MARCHF1: variants seen among roughly 807,000 people sequenced by gnomAD.
MARCHF1 encodes membrane associated ring-CH-type finger 1, also known as E3 ubiquitin-protein ligase MARCHF1.
MARCHF1 carries 40 observed loss-of-function variants against 54.2 expected under a neutral mutation model. That is an observed-to-expected ratio of 0.74 (90% CI 0.57 to 0.96). The LOEUF (loss-of-function observed/expected upper bound fraction) is 0.96, where lower values mean the gene tolerates loss of function less well. Among genes scored for constraint, MARCHF1 ranks in the 40% least tolerant of loss-of-function variants. The pLI is 0.00. For synonymous variants in MARCHF1, 236 were observed against 236.3 expected, an observed-to-expected ratio of 1.00 and a Z score of 0.01; for missense variants, 586 against 656.5, an observed-to-expected ratio of 0.89 and a Z score of 1.17.
At chr4:163,845,730 T>G (rs1195157059) in intron 4 of MARCHF1, among the ~76,000 whole-genome samples, 1 of 152,152 alleles carries the variant, frequency 6.6e-6, no homozygotes, top group African/African-American at 2.4e-5. Context: ...TCTCATGACT[T>G]TACTCCGTAG....
At position 163,527,447 on chromosome 4, in the gene MARCHF1, G is replaced by A. The variant is rs180980975; in HGVS notation, c.*1301C>T. 1 of 152,104 alleles carries A rather than the reference G, an allele frequency of 6.6e-6. No homozygotes were observed. The highest frequency in any genetic ancestry group is 1.5e-5 in the Non-Finnish European group (1 of 67,916). The allele number at this position is 152,104 out of a possible 1,614,324, so 9.4% of individuals were successfully genotyped here. On this transcript the variant is annotated 3_prime_UTR_variant, in exon 10 of 10. Coordinates refer to ENST00000514618, the MANE Select transcript of MARCHF1 (RefSeq NM_001394959.1). ...ACATTTGATTTAATAACAAAAATAG[G>A]TAATTTTATTCCCCTATTGTAAGTA...
intron 4 of MARCHF1, among the ~76,000 whole-genome samples, chr4:163,728,576 G>A (rs967396081): frequency 6.6e-6 from 1 of 151,956 alleles, no homozygotes; most frequent in African/African-American, 2.4e-5. Context: ...AAGGTGTTGT[G>A]GTTTCAATTT....
At chr4:163,783,836 C>T (rs1747538117) in intron 4 of MARCHF1, among the ~76,000 whole-genome samples, 1 of 152,172 alleles carries the variant, frequency 6.6e-6, no homozygotes, top group African/African-American at 2.4e-5. Context: ...TAGCAGCCAA[C>T]ACATACTAAT....
Position 164,254,180 on chromosome 4 carries a change from T to C in MARCHF1, c.-323+129690A>G, listed in dbSNP as rs540063832. 1.5e-4 allele frequency among the ~76,000 whole-genome samples: 23 copies of C among 151,992 alleles called. No individual in the cohort carries two copies. In the East Asian group the frequency reaches 3.7e-3, roughly 24 times the overall value. On this transcript the variant is annotated intron_variant, in intron 1 of 9. Coordinates refer to ENST00000514618, the MANE Select transcript of MARCHF1 (RefSeq NM_001394959.1). ...GCAGTGGCGTGATCTCGGCTCTGAG[T>C]AGCTGGGGTTACAGGTGTGTGCCAC...
At chr4:164,195,711 T>C (rs1203103755) in intron 1 of MARCHF1, among the ~76,000 whole-genome samples, 2 of 152,160 alleles carry the variant, frequency 1.3e-5, no homozygotes, top group African/African-American at 4.8e-5. Flanking sequence ...GCAATAAAGT[T>C]CTACAAAGAT....
chr4:163,961,639 A>G (rs995167808), intron 3 of MARCHF1, among the ~76,000 whole-genome samples: 11 of 151,930 alleles, frequency 7.2e-5, no homozygotes, highest in African/African-American at 2.2e-4. Context: ...GGGACACTCA[A>G]CTGTCATGGT....
chr4:164,314,106 T>C (rs1358659518), intron 1 of MARCHF1, among the ~76,000 whole-genome samples: 4 of 152,366 alleles, frequency 2.6e-5, no homozygotes, highest in Non-Finnish European at 2.9e-5. Flanking sequence ...CTTTCATTTA[T>C]GCCCATTCAG....
chr4:163,910,457 C>G (rs1271888615), intron 3 of MARCHF1, among the ~76,000 whole-genome samples: 1 of 151,992 alleles, frequency 6.6e-6, no homozygotes, highest in East Asian at 1.9e-4. Flanking sequence ...TCAAGTGACC[C>G]CAGTTTTTCT....
chr4:164,022,206 G>T (rs536297017), intron 2 of MARCHF1, among the ~76,000 whole-genome samples: 2 of 152,044 alleles, frequency 1.3e-5, no homozygotes, highest in Non-Finnish European at 2.9e-5. Context: ...CTTCATAACT[G>T]TACTGTTCAA....
At chr4:163,686,279 A>G (rs1485822862) in intron 5 of MARCHF1, among the ~76,000 whole-genome samples, 5 of 151,984 alleles carry the variant, frequency 3.3e-5, no homozygotes, top group Non-Finnish European at 7.4e-5. Flanking sequence ...TTGATTATGC[A>G]TTAAGCAGCA....
At chr4:164,276,222 T>A (rs1733876810) in intron 1 of MARCHF1, among the ~76,000 whole-genome samples, 1 of 152,208 alleles carries the variant, frequency 6.6e-6, no homozygotes, top group South Asian at 2.1e-4. Context: ...GAAGTTTTTA[T>A]CTTTACCTCT....
intron 5 of MARCHF1, among the ~76,000 whole-genome samples, chr4:163,683,349 T>A (rs939354838): frequency 6.6e-6 from 1 of 152,126 alleles, no homozygotes; most frequent in Non-Finnish European, 1.5e-5. Flanking sequence ...ACATATTCAC[T>A]ATCACAAGAA....
chr4:164,364,367 A>G (rs1467716292), intron 1 of MARCHF1, among the ~76,000 whole-genome samples: 1 of 152,092 alleles, frequency 6.6e-6, no homozygotes, highest in Non-Finnish European at 1.5e-5. Flanking sequence ...TGAATTTAGC[A>G]AATCTTAAAA....
chr4:163,847,919 T>G (rs1465768860), intron 4 of MARCHF1, among the ~76,000 whole-genome samples: 1 of 152,148 alleles, frequency 6.6e-6, no homozygotes, highest in Non-Finnish European at 1.5e-5. Context: ...AACAACAGTA[T>G]CAACTTCTTA....
intron 2 of MARCHF1, among the ~76,000 whole-genome samples, chr4:164,055,453 A>G (rs1275321646): frequency 1.3e-5 from 2 of 152,022 alleles, no homozygotes; most frequent in Non-Finnish European, 2.9e-5. Flanking sequence ...CAAAAAAAAA[A>G]AAAAAAATTA....
intron 2 of MARCHF1, among the ~76,000 whole-genome samples, chr4:164,093,130 G>A (rs1755338504): frequency 6.6e-6 from 1 of 152,082 alleles, no homozygotes; most frequent in African/African-American, 2.4e-5. Flanking sequence ...TTATTTATCT[G>A]CTTATATTAA....
intron 1 of MARCHF1, among the ~76,000 whole-genome samples, chr4:164,313,063 C>G (rs77179435): frequency 6.6e-6 from 1 of 150,940 alleles, no homozygotes; most frequent in Admixed American, 6.6e-5. Context: ...AGGCTGGGAG[C>G]GGTGGTGGCT....
intron 1 of MARCHF1, among the ~76,000 whole-genome samples, chr4:164,142,597 C>T (rs954947639): frequency 2.0e-5 from 3 of 152,178 alleles, no homozygotes; most frequent in Admixed American, 6.5e-5. Context: ...TCCAACAGAC[C>T]TGCAGCTGAG....
At chr4:164,202,530 A>G (rs1003550250) in intron 1 of MARCHF1, among the ~76,000 whole-genome samples, 1 of 152,194 alleles carries the variant, frequency 6.6e-6, no homozygotes, top group Non-Finnish European at 1.5e-5. Flanking sequence ...ATTTTCAAAA[A>G]AACCCTTATC....
Sources: gnomAD v4.1 joint callset for allele counts (sites outside exome capture counted in the v4.1 genomes callset) on GRCh38, gnomAD v4.1.1 for gene constraint, MANE v1.5 for transcripts, NCBI Gene and HGNC (gene_info 2026-07-23, HGNC 2026-07-21) for gene names.